KLHL2: variants seen among roughly 807,000 people sequenced by gnomAD.
KLHL2 encodes kelch like family member 2.
Under a neutral mutation model 75.8 loss-of-function variants are expected in KLHL2, and 15 were observed. That is an observed-to-expected ratio of 0.20 (90% CI 0.13 to 0.30). The LOEUF (loss-of-function observed/expected upper bound fraction) is 0.30. Ranked by LOEUF, KLHL2 falls within the 10% of genes least tolerant of loss-of-function variation. The pLI is 1.00. For missense variants in KLHL2, 381 were observed against 741.0 expected (o/e 0.51, Z 5.64); for synonymous variants, 214 against 251.9 (o/e 0.85, Z 1.42).
intron 1 of KLHL2, among the ~76,000 whole-genome samples, chr4:165,208,227 T>G (rs1736966487): frequency 6.6e-6 from 1 of 152,144 alleles, no homozygotes; most frequent in Non-Finnish European, 1.5e-5. Context: ...GGGCACCTGG[T>G]GCCGAGTTTG....
At chr4:165,252,082 A>C (rs1313939075) in intron 4 of KLHL2, among the ~76,000 whole-genome samples, 2 of 152,224 alleles carry the variant, frequency 1.3e-5, no homozygotes, top group Admixed American at 6.5e-5. Context: ...GGTACATAAA[A>C]GGCATTTATC....
At chr4:165,298,162 A>C (rs1197515416) in intron 7 of KLHL2, among the ~76,000 whole-genome samples, 2 of 152,076 alleles carry the variant, frequency 1.3e-5, no homozygotes, top group Non-Finnish European at 2.9e-5. Context: ...TTTTGCCCCT[A>C]TTTTTGATTT....
At chr4:165,293,810 C>G (rs917445104) in intron 5 of KLHL2, among the ~76,000 whole-genome samples, 5 of 151,964 alleles carry the variant, frequency 3.3e-5, no homozygotes, top group African/African-American at 1.2e-4. Context: ...GCCACTGCGC[C>G]CGGCCCAATT....
At chr4:165,249,450 A>T (rs1177902225) in intron 4 of KLHL2, among the ~76,000 whole-genome samples, 1 of 152,204 alleles carries the variant, frequency 6.6e-6, no homozygotes, top group Non-Finnish European at 1.5e-5. Flanking sequence ...TGAGCAGGGA[A>T]TCACAAGGAA....
At chr4:165,305,319 C>T (rs1004101177) in intron 8 of KLHL2, among the ~76,000 whole-genome samples, 5 of 134,984 alleles carry the variant, frequency 3.7e-5, no homozygotes, top group African/African-American at 1.1e-4. Context: ...GTAATAACTG[C>T]GTGCTGTTTT....
intron 8 of KLHL2, among the ~76,000 whole-genome samples, chr4:165,305,131 AT>A (rs1019191885): frequency 6.6e-6 from 1 of 151,552 alleles, no homozygotes; most frequent in Non-Finnish European, 1.5e-5. Flanking sequence ...CTTTTTCAAT[AT>A]TTTTTTTCCT....
intron 14 of KLHL2, 108 bp downstream of exon 14, chr4:165,318,077 T>G: frequency 2.0e-6 from 2 of 976,760 alleles, no homozygotes; most frequent in Non-Finnish European, 3.1e-6. Context: ...TCTCAAGGTA[T>G]AGTTTATATC....
At position 165,264,742 on chromosome 4, in the gene KLHL2, A is replaced by G. The variant is rs61152041; in HGVS notation, c.544+1383A>G. Among the ~76,000 whole-genome samples the G allele has an allele frequency of 4.3e-3, 285 of 66,596 alleles. 2 individuals carry two copies. The highest frequency in any genetic ancestry group is 0.015 in the African/African-American group (258 of 17,134). 43.7% of individuals were successfully genotyped at this position (66,596 alleles called of 152,430 possible). The stretch of plus-strand genomic sequence containing the variant: ...TATACATATATATATATATATATGT[A>G]TATATATATATATATATATATATAA... On this transcript the variant is annotated intron_variant, in intron 5 of 14. Transcript: ENST00000226725.
intron 13 of KLHL2, among the ~76,000 whole-genome samples, chr4:165,316,391 T>C (rs1746592326): frequency 1.3e-5 from 2 of 152,230 alleles, no homozygotes; most frequent in African/African-American, 4.8e-5. Flanking sequence ...ATGTAACTAC[T>C]GTGTGGAGCT....
rs1579204843 is a variant in KLHL2 at position 165,322,661 on chromosome 4, G to A, written c.*601G>A. On this transcript the variant is annotated 3_prime_UTR_variant, in exon 15 of 15. Transcript: ENST00000226725. Reference sequence around the variant, plus strand: ...GATTATACTATTTATAATTGGCACAGTACTTTGAATTATGCCAGTACTACA... The same window carrying A: ...GATTATACTATTTATAATTGGCACAATACTTTGAATTATGCCAGTACTACA... The A allele has an allele frequency of 3.3e-5, 5 of 152,610 alleles. No homozygotes were observed. The South Asian group carries it at 1.0e-3, about 32-fold the overall frequency. The allele number at this position is 152,610 out of a possible 1,614,324, so 9.5% of individuals were successfully genotyped here. A position where few individuals can be genotyped will look rare whatever the true frequency, so the allele number is the denominator to read the frequency against.
chr4:165,238,665 A>T (rs753779408), intron 3 of KLHL2, 113 bp from the exon 4 acceptor site: 3 of 1,550,280 alleles, frequency 1.9e-6, no homozygotes, highest in African/African-American at 1.4e-5. Context: ...GTGGCTGATT[A>T]TGCTGCCTGT....
chr4:165,245,185 G>C (rs565725591), intron 4 of KLHL2, among the ~76,000 whole-genome samples: 1 of 152,214 alleles, frequency 6.6e-6, no homozygotes, highest in South Asian at 2.1e-4. Context: ...TCCAGCCTGG[G>C]CAGCAGAGTG....
intron 4 of KLHL2, 141 bp from the exon 5 acceptor site, chr4:165,263,056 T>A (rs1361938824): frequency 4.7e-6 from 3 of 644,896 alleles, no homozygotes; most frequent in Non-Finnish European, 7.9e-6. Flanking sequence ...AAATAATTTT[T>A]ATATTTGTTT....
intron 8 of KLHL2, among the ~76,000 whole-genome samples, chr4:165,303,378 T>C (rs1745477183): frequency 6.6e-6 from 1 of 151,910 alleles, no homozygotes; most frequent in Admixed American, 6.6e-5. Context: ...TCATCAGATA[T>C]ATCATCTAAG....
chr4:165,218,192 C>T (rs1029973297), intron 1 of KLHL2, among the ~76,000 whole-genome samples: 1 of 152,102 alleles, frequency 6.6e-6, no homozygotes, highest in African/African-American at 2.4e-5. Flanking sequence ...TCTCAACCAG[C>T]AGCCAAAGTG....
In KLHL2 at chr4:165,270,749, G is replaced by C. The variant is rs536191511; in HGVS notation, c.544+7390G>C. Among the ~76,000 whole-genome samples the C allele has an allele frequency of 9.2e-5, 14 of 152,236 alleles. No homozygotes were observed. The South Asian group carries it at 2.9e-3, about 32-fold the overall frequency. The stretch of plus-strand genomic sequence containing the variant: ...AGGTGTCTGTCATCCCCTACTGGGA[G>C]GTGTCTCCCAGTCAGGCTACACAGA... On this transcript the variant is annotated intron_variant, in intron 5 of 14. Coordinates refer to ENST00000226725, the MANE Select transcript of KLHL2 (RefSeq NM_007246.4).
At position 165,317,916 on chromosome 4, in the gene KLHL2, C is replaced by G. The variant is rs374957745; in HGVS notation, c.1700C>G (p.Thr567Ser). Residue 567 changes from threonine (T) to serine (S), a missense_variant, in exon 14 of 15, where the codon ACC (threonine) becomes AGC (serine). Physicochemically the swap from Thr to Ser is moderately conservative, Grantham distance 58. Transcript: ENST00000226725. ...TCAGTAGAATATTATAACCCAACAA[C>G]CGATAAATGGACAGTTGTGTCATCG... ...LASVEYYNPT[T>S]DKWTVVSSCM... The G allele has an allele frequency of 3.1e-6, 5 of 1,613,764 alleles. No individual in the cohort carries two copies. Among genetic ancestry groups the G allele is most frequent in the Non-Finnish European group, 4.2e-6 (5 of 1,179,882 alleles).
At chr4:165,316,447 C>T (rs961876000) in intron 13 of KLHL2, among the ~76,000 whole-genome samples, 1 of 152,148 alleles carries the variant, frequency 6.6e-6, no homozygotes, top group African/African-American at 2.4e-5. Flanking sequence ...ATTTGAACAA[C>T]TTTAAAATGG....
At chr4:165,299,776 A>G (rs1232927160) in intron 8 of KLHL2, 120 bp downstream of exon 8, 3 of 895,172 alleles carry the variant, frequency 3.4e-6, no homozygotes, top group Non-Finnish European at 5.0e-6. Flanking sequence ...TCAAGAGAAA[A>G]TGTGCCTAAG....
Sources: gnomAD v4.1 joint callset for allele counts (sites outside exome capture counted in the v4.1 genomes callset) on GRCh38, gnomAD v4.1.1 for gene constraint, MANE v1.5 for transcripts, NCBI Gene and HGNC (gene_info 2026-07-23, HGNC 2026-07-21) for gene names.